Variants in LOXL4 observed in about 807,000 individuals in gnomAD.
LOXL4 encodes the protein lysyl oxidase homolog 4.
A neutral mutation model predicts 89.1 loss-of-function variants in LOXL4; 72 were observed. That is an observed-to-expected ratio of 0.81 (90% confidence interval 0.67 to 0.98). The LOEUF (loss-of-function observed/expected upper bound fraction) is 0.98. Among genes scored for constraint, LOXL4 ranks in the 50% least tolerant of loss-of-function variants. LOXL4 has a pLI of 0.00. For synonymous variants in LOXL4, 355 were observed against 392.1 expected (o/e 0.91, Z 1.12); for missense variants, 984 against 1,017.5 (o/e 0.97, Z 0.45).
At chr10:98,255,104 C>A (rs1389051879) in intron 10 of LOXL4, among the ~76,000 whole-genome samples, 2 of 152,204 alleles carry the variant, frequency 1.3e-5, no homozygotes, top group African/African-American at 4.8e-5. Flanking sequence ...TTGGGTAAAT[C>A]CCACAGCTCA....
At chr10:98,260,885 C>G in intron 4 of LOXL4, 37 bp downstream of exon 4, 1 of 1,566,080 alleles carries the variant, frequency 6.4e-7, no homozygotes, top group South Asian at 1.2e-5. Flanking sequence ...CCCCACAACC[C>G]TGCCTCCTGT....
At position 98,257,993 on chromosome 10, in the gene LOXL4, G is replaced by A. The variant is rs756712441; in HGVS notation, c.1093C>T (p.Arg365Trp). 8.7e-6 allele frequency: 14 copies of A among 1,613,628 alleles called. No homozygotes were observed. In the Admixed American group the frequency reaches 1.2e-4, roughly 13 times the overall value. Residue 365 changes from arginine (R) to tryptophan (W), a missense_variant, in exon 7 of 15, where the codon CGG (arginine) becomes TGG (tryptophan). Transcript: ENST00000260702. ...CTGTCTCACTCACCTTGGCCCAGCCGGGCCCCAAAGAGGGCCTCCCGAGCA... is the reference window on the plus strand; with the variant it reads ...CTGTCTCACTCACCTTGGCCCAGCCAGGCCCCAAAGAGGGCCTCCCGAGCA... Reference protein sequence around the residue: ...GSAREALFGARLGQGLGPIHL... With the variant: ...GSAREALFGAWLGQGLGPIHL...
At chr10:98,264,072 C>T (rs1858620325) in intron 1 of LOXL4, among the ~76,000 whole-genome samples, 3 of 151,916 alleles carry the variant, frequency 2.0e-5, no homozygotes, top group Admixed American at 2.0e-4. Context: ...AACCACATAT[C>T]ATCTGGATCC....
In LOXL4 at chr10:98,257,735, G is replaced by A; in HGVS notation, c.1175C>T (p.Ala392Val). 6.2e-7 allele frequency: 1 copy of A among 1,614,120 alleles called. No homozygotes were observed. Among genetic ancestry groups the A allele is most frequent in the Non-Finnish European group, 8.5e-7 (1 of 1,179,996 alleles). The change falls in exon 8 of 15, where the codon GCC becomes GTC. Residue 392 changes from alanine to valine, a missense_variant. Ala to Val is a moderately conservative substitution (Grantham distance 64). Transcript: ENST00000260702. Reference protein sequence around the residue: ...GYERTLSDCPALEGSQNGCQH... With the variant: ...GYERTLSDCPVLEGSQNGCQH... ...GCAACCATTCTGGGACCCTTCCAGGGCAGGGCAGTCGCTGAGGGTCCGCTC... is the reference window on the plus strand; with the variant it reads ...GCAACCATTCTGGGACCCTTCCAGGACAGGGCAGTCGCTGAGGGTCCGCTC...
Position 98,248,843 on chromosome 10 carries a change from G to C in LOXL4, c.*78C>G. ...CACTGGCCCTTTTCCTCTGAGTTGG[G>C]ACTCTGTGAAGGGCATGGCTCCAAT... is the stretch of plus-strand genomic sequence containing the variant. On this transcript the variant is annotated 3_prime_UTR_variant, in exon 15 of 15. Coordinates refer to ENST00000260702, the MANE Select transcript of LOXL4 (RefSeq NM_032211.7). 1 of 1,342,982 alleles carries C rather than the reference G, an allele frequency of 7.4e-7. No homozygotes were observed. Among genetic ancestry groups the C allele is most frequent in the Non-Finnish European group, 1.1e-6 (1 of 950,738 alleles). The allele number at this position is 1,342,982 out of a possible 1,614,324, so 83.2% of individuals were successfully genotyped here. A position where few individuals can be genotyped will look rare whatever the true frequency, so the allele number is the denominator to read the frequency against.
At chr10:98,257,025 C>A in intron 8 of LOXL4, 78 bp from the exon 9 acceptor site, 1 of 1,507,810 alleles carries the variant, frequency 6.6e-7, no homozygotes, top group South Asian at 1.3e-5. Flanking sequence ...GGAGGTCTGC[C>A]CAAGCCAGCT....
At position 98,265,371 on chromosome 10, in the gene LOXL4, C is replaced by CTATTATTAT. The variant is rs148906358; in HGVS notation, c.-32-2329_-32-2321dup. On this transcript the variant is annotated intron_variant, in intron 1 of 14. Coordinates refer to ENST00000260702, the MANE Select transcript of LOXL4 (RefSeq NM_032211.7). ...AGAGCAAGCCTTCAGTAACAATGAA[C>CTATTATTAT]TATTATTATTATTATTATTATTATT... Among the ~76,000 whole-genome samples the CTATTATTAT allele has an allele frequency of 3.6e-4, 43 of 118,784 alleles. 3 individuals are homozygous for CTATTATTAT. The highest frequency in any genetic ancestry group is 4.9e-4 in the Admixed American group (6 of 12,256). The allele number at this position is 118,784 out of a possible 152,430, so 77.9% of individuals were successfully genotyped here.
At chr10:98,252,534 AG>A in intron 11 of LOXL4, 66 bp from the exon 12 acceptor site, 1 of 1,084,532 alleles carries the variant, frequency 9.2e-7, no homozygotes, top group Non-Finnish European at 1.4e-6. Context: ...AGGGGCTGGT[AG>A]GGAAGACAGG....
Position 98,251,292 on chromosome 10 carries a change from C to G in LOXL4, c.2089-116G>C, listed in dbSNP as rs182642078. 109 of 884,770 alleles carry G rather than the reference C, an allele frequency of 1.2e-4. No individual in the cohort carries two copies. In the East Asian group the frequency reaches 2.8e-3, roughly 23 times the overall value. The allele number at this position is 884,770 out of a possible 1,614,324, so 54.8% of individuals were successfully genotyped here. ...TTGCTTCATTAATTCTTAACAATTA[C>G]CCAGGAGGTAGGTACTGATGTTCCC... On this transcript the variant is annotated intron_variant, in intron 13 of 14. Transcript: ENST00000260702.
At chr10:98,265,942 C>T (rs1234421120) in intron 1 of LOXL4, among the ~76,000 whole-genome samples, 1 of 152,168 alleles carries the variant, frequency 6.6e-6, no homozygotes, top group Non-Finnish European at 1.5e-5. Context: ...CCCATTCTCA[C>T]CTCTGCAGCT....
At chr10:98,250,227 CTCAGATCAAA>C (rs1858148377) in intron 14 of LOXL4, among the ~76,000 whole-genome samples, 1 of 152,180 alleles carries the variant, frequency 6.6e-6, no homozygotes. Context: ...TCCTTCAAAC[CTCAGATCAAA>C]TACTACTTCT....
chr10:98,254,687 C>A (rs1272474530), intron 10 of LOXL4, among the ~76,000 whole-genome samples: 1 of 152,182 alleles, frequency 6.6e-6, no homozygotes, highest in East Asian at 1.9e-4. Context: ...AGAGCGCTCC[C>A]ACTGTAGGCA....
Position 98,247,706 on chromosome 10 carries a change from A to G in LOXL4, c.*1215T>C, listed in dbSNP as rs1376262953. The stretch of plus-strand genomic sequence containing the variant: ...GGTCTGGTCTTTGTAGCAGTCCATA[A>G]TGAGCAACTTTTATTGGCATTAGGG... On this transcript the variant is annotated 3_prime_UTR_variant, in exon 15 of 15. Transcript: ENST00000260702. 1.3e-5 allele frequency: 2 copies of G among 152,166 alleles called. No homozygotes were observed. The allele number at this position is 152,166 out of a possible 1,614,324, so 9.4% of individuals were successfully genotyped here.
intron 13 of LOXL4, 109 bp from the exon 14 acceptor site, chr10:98,251,285 A>G (rs2135822998): frequency 1.1e-6 from 1 of 919,230 alleles, no homozygotes; most frequent in Middle Eastern, 2.1e-4. Flanking sequence ...TTAATTCTTA[A>G]CAATTACCCA....
At position 98,258,125 on chromosome 10, in the gene LOXL4, C is replaced by T. The variant is rs143932245; in HGVS notation, c.961G>A (p.Glu321Lys). 68 of 1,613,066 alleles carry T rather than the reference C, an allele frequency of 4.2e-5. No homozygotes were observed. Among genetic ancestry groups the T allele is most frequent in the Non-Finnish European group, 5.3e-5 (62 of 1,179,890 alleles). ...TTCATGAGCACTTCCACCCGGCCCT[C>T]GCCCACCTGGGCCCCGGAGCGCAGG... ...VRLRSGAQVG[E>K]GRVEVLMNRQ... Residue 321 changes from glutamate (E) to lysine (K), a missense_variant, in exon 7 of 15, where the codon GAG becomes AAG. Coordinates refer to ENST00000260702, the MANE Select transcript of LOXL4 (RefSeq NM_032211.7).
At chr10:98,251,757 CTT>C in intron 12 of LOXL4, 55 bp from the exon 13 acceptor site, 1 of 1,590,624 alleles carries the variant, frequency 6.3e-7, no homozygotes, top group Non-Finnish European at 8.6e-7. Context: ...TCTGCTAGGT[CTT>C]TTATTTCCTT....
intron 10 of LOXL4, among the ~76,000 whole-genome samples, chr10:98,254,266 A>G (rs1858294019): frequency 6.6e-6 from 1 of 152,192 alleles, no homozygotes; most frequent in South Asian, 2.1e-4. Context: ...AGTTCATATA[A>G]TCCTCTCAAA....
intron 1 of LOXL4, among the ~76,000 whole-genome samples, chr10:98,263,834 C>T (rs1056885382): frequency 1.3e-5 from 2 of 151,340 alleles, no homozygotes; most frequent in South Asian, 4.2e-4. Context: ...CAGGTTTAAG[C>T]AATTCTCTGC....
Position 98,251,140 on chromosome 10 carries a change from C to G in LOXL4, c.2125G>C (p.Asp709His). The change falls in exon 14 of 15, where the codon GAT becomes CAT. Residue 709 changes from aspartate (D) to histidine (H), a missense_variant. Transcript: ENST00000260702. Reference protein sequence around the residue: ...VNPHYEVAESDFSNNMLQCRC... With the variant: ...VNPHYEVAESHFSNNMLQCRC... ...CACTGCAGCATATTGTTGGAGAAAT[C>G]TGACTCTGCCACTTCATAGTGGGGG... is the stretch of plus-strand genomic sequence containing the variant. 2 of 1,614,142 alleles carry G rather than the reference C, an allele frequency of 1.2e-6. No individual in the cohort carries two copies. The highest frequency in any genetic ancestry group is 1.7e-6 in the Non-Finnish European group (2 of 1,180,024).
Sources: gnomAD v4.1 joint callset for allele counts (sites outside exome capture counted in the v4.1 genomes callset) on GRCh38, gnomAD v4.1.1 for gene constraint, MANE v1.5 for transcripts, NCBI Gene and HGNC (gene_info 2026-07-23, HGNC 2026-07-21) for gene names.